The following POM121C variants were observed in gnomAD, a reference collection of about 807,000 sequenced individuals.
The protein encoded by POM121C is nuclear envelope pore membrane protein POM 121C.
POM121C carries 20 observed loss-of-function variants against 66.4 expected under a neutral mutation model. That is an observed-to-expected ratio of 0.30 (90% CI 0.21 to 0.44). POM121C has a LOEUF of 0.44. Ranked by LOEUF, POM121C falls within the 20% of genes least tolerant of loss-of-function variation. The probability of loss-of-function intolerance (pLI) is 1.00; values close to 1 mark genes in which losing one functional copy is unlikely to be tolerated. For synonymous variants in POM121C, 286 were observed against 528.0 expected (o/e 0.54, Z 6.28); for missense variants, 580 against 1,225.7 (o/e 0.47, Z 7.87).
intron 3 of POM121C, among the ~76,000 whole-genome samples, chr7:75,456,161 C>T (rs1382559200): frequency 2.0e-5 from 3 of 152,170 alleles, no homozygotes; most frequent in Admixed American, 2.0e-4. Context: ...ATCCCTTGAA[C>T]CCAGGAAGTC....
intron 1 of POM121C, among the ~76,000 whole-genome samples, chr7:75,485,039 G>C (rs28603152): frequency 5.3e-5 from 8 of 151,918 alleles, no homozygotes; most frequent in African/African-American, 1.5e-4. Context: ...TAGTCAGGGT[G>C]TCCCCATGTT....
intron 3 of POM121C, among the ~76,000 whole-genome samples, chr7:75,455,805 T>G (rs1430761575): frequency 6.6e-6 from 1 of 152,186 alleles, no homozygotes; most frequent in Non-Finnish European, 1.5e-5. Flanking sequence ...CACTGTGCTG[T>G]GTGTCTATTT....
At position 75,424,121 on chromosome 7, in the gene POM121C, C is replaced by A. The variant is rs1326628985; in HGVS notation, c.976G>T (p.Ala326Ser). The A allele has an allele frequency of 2.5e-6, 4 of 1,611,776 alleles. No homozygotes were observed. Among genetic ancestry groups the A allele is most frequent in the South Asian group, 1.1e-5 (1 of 90,970 alleles). Residue 326 changes from alanine to serine, a missense_variant, in exon 12 of 15, where the codon GCC (alanine) becomes TCC (serine). Transcript: ENST00000615331. ...TCTAACAGTGGGTTGGTGCTTGGGG[C>A]CAGGAGGGAGGTGGGTGGGGAGGCA... ...ATASPPTSLL[A>S]PSTNPLLESL... is the part of the protein sequence containing the mutation.
chr7:75,462,213 A>T (rs587650474), intron 3 of POM121C, among the ~76,000 whole-genome samples: 1 of 151,028 alleles, frequency 6.6e-6, no homozygotes, highest in South Asian at 2.1e-4. Context: ...AGTTCTCACG[A>T]GATCTGATGG....
At chr7:75,440,344 G>A (rs1290260161) in intron 5 of POM121C, among the ~76,000 whole-genome samples, 1 of 151,262 alleles carries the variant, frequency 6.6e-6, no homozygotes, top group Non-Finnish European at 1.5e-5. Context: ...AAGGTGGGCG[G>A]ATCACGAGGT....
intron 3 of POM121C, among the ~76,000 whole-genome samples, chr7:75,454,481 G>C (rs1791136004): frequency 6.6e-6 from 1 of 152,166 alleles, no homozygotes; most frequent in Non-Finnish European, 1.5e-5. Context: ...ATGTGCTCTG[G>C]GTGGCGCTCT....
At chr7:75,440,356 AG>A (rs1289827468) in intron 5 of POM121C, among the ~76,000 whole-genome samples, 2 of 151,416 alleles carry the variant, frequency 1.3e-5, no homozygotes, top group African/African-American at 4.8e-5. Context: ...TCACGAGGTC[AG>A]GAGTTTGAGA....
At position 75,479,541 on chromosome 7, in the gene POM121C, A is replaced by AG. The variant is rs1174445103; in HGVS notation, c.-457-4354dup. Among the ~76,000 whole-genome samples, 7 of 138,518 alleles carry AG rather than the reference A, an allele frequency of 5.1e-5. 1 individual carries two copies. The highest frequency in any genetic ancestry group is 1.6e-4 in the African/African-American group (5 of 30,424). 90.9% of individuals were successfully genotyped at this position (138,518 alleles called of 152,430 possible). A position where few individuals can be genotyped will look rare whatever the true frequency, so the allele number is the denominator to read the frequency against. ...TGAGGCAGGAGAATCACTTGAACCC[A>AG]GGAGGCAGAGGTTGCAGTGGGCCAA... is the stretch of plus-strand genomic sequence containing the variant. On this transcript the variant is annotated intron_variant, in intron 1 of 14. Coordinates refer to ENST00000615331, the MANE Select transcript of POM121C (RefSeq NM_001099415.3).
rs587597718 is a variant in POM121C at position 75,464,598 on chromosome 7, C to G, written c.-152+10106G>C. Among the ~76,000 whole-genome samples the G allele has an allele frequency of 1.9e-3, 276 of 146,630 alleles. 1 individual carries two copies. Among genetic ancestry groups the G allele is most frequent in the Admixed American group, 4.3e-3 (63 of 14,728 alleles). ...TGGGTGACAGAGTGAGACCCTGTCT[C>G]AATAAAAGAATTTATTATAGACAAA... On this transcript the variant is annotated intron_variant, in intron 3 of 14. Coordinates refer to ENST00000615331, the MANE Select transcript of POM121C (RefSeq NM_001099415.3).
chr7:75,433,512 C>G (rs760855990), intron 7 of POM121C, among the ~76,000 whole-genome samples: 1 of 151,850 alleles, frequency 6.6e-6, no homozygotes, highest in African/African-American at 2.4e-5. Flanking sequence ...CCCGCCACCA[C>G]GCCCAGCTAA....
chr7:75,481,982 G>A (rs782031468), intron 1 of POM121C, among the ~76,000 whole-genome samples: 5 of 151,920 alleles, frequency 3.3e-5, no homozygotes, highest in East Asian at 1.9e-4. Flanking sequence ...AAGGTAACAC[G>A]TGCCTCCAGA....
At chr7:75,443,327 A>G (rs1790731956) in intron 3 of POM121C, among the ~76,000 whole-genome samples, 1 of 151,850 alleles carries the variant, frequency 6.6e-6, no homozygotes, top group Non-Finnish European at 1.5e-5. Flanking sequence ...ATGACTGCTT[A>G]TGGGTATAGG....
At chr7:75,459,990 G>T (rs1791391872) in intron 3 of POM121C, among the ~76,000 whole-genome samples, 2 of 119,434 alleles carry the variant, frequency 1.7e-5, no homozygotes, top group South Asian at 2.8e-4. Flanking sequence ...ATACTAAATG[G>T]CATACTGAAT....
chr7:75,439,195 G>C lies in POM121C; in HGVS notation c.257C>G (p.Ser86Ter). Residue 86 changes from serine (S) to a stop codon, truncating the protein, a stop_gained, in exon 6 of 15, where the codon TCA becomes TGA. Transcript: ENST00000615331. LOFTEE classifies it high-confidence loss of function. ...ACTGGCCACCAGGGGCTCAAATGCTGAATGTCCACTGCCACTGCTATCATG... is the reference window on the plus strand; with the variant it reads ...ACTGGCCACCAGGGGCTCAAATGCTCAATGTCCACTGCCACTGCTATCATG... Reference protein sequence around the residue: ...RRHDSSGSGHSAFEPLVASGV... With the variant: ...RRHDSSGSGH The C allele has an allele frequency of 6.2e-7, 1 of 1,614,236 alleles. No homozygotes were observed. Among genetic ancestry groups the C allele is most frequent in the Non-Finnish European group, 8.5e-7 (1 of 1,180,034 alleles).
chr7:75,460,483 T>C (rs2116478351), intron 3 of POM121C, among the ~76,000 whole-genome samples: 1 of 151,416 alleles, frequency 6.6e-6, no homozygotes, highest in East Asian at 1.9e-4. Flanking sequence ...GCCAACAGAG[T>C]AAGACTCTGT....
intron 3 of POM121C, among the ~76,000 whole-genome samples, chr7:75,472,554 C>T (rs1184604129): frequency 6.6e-6 from 1 of 151,814 alleles, no homozygotes; most frequent in African/African-American, 2.4e-5. Context: ...GGCCTGTAAT[C>T]CTAGCACTTT....
intron 3 of POM121C, among the ~76,000 whole-genome samples, chr7:75,448,062 C>T (rs1382328365): frequency 2.7e-5 from 4 of 147,422 alleles, no homozygotes; most frequent in African/African-American, 2.5e-5. Flanking sequence ...ACAAACAAAA[C>T]ACAAAAATTA....
chr7:75,428,210 C>G (rs1475842106), intron 7 of POM121C, among the ~76,000 whole-genome samples: 1 of 151,926 alleles, frequency 6.6e-6, no homozygotes, highest in African/African-American at 2.4e-5. Context: ...CACGATCTCA[C>G]CTCACTGCAA....
At chr7:75,447,731 A>G (rs1554474962) in intron 3 of POM121C, among the ~76,000 whole-genome samples, 1 of 152,106 alleles carries the variant, frequency 6.6e-6, no homozygotes, top group African/African-American at 2.4e-5. Context: ...TAAAAAAAAA[A>G]ACAAAAATTA....
Sources: allele counts gnomAD v4.1 joint callset (sites outside exome capture counted in the v4.1 genomes callset), GRCh38; gene constraint gnomAD v4.1.1; transcripts MANE v1.5; gene names NCBI Gene and HGNC (gene_info 2026-07-23, HGNC 2026-07-21).